The following CDKL5 variants were observed in gnomAD, a reference collection of about 807,000 sequenced individuals.
CDKL5 encodes cyclin-dependent kinase-like 5.
In CDKL5, 8 loss-of-function variants were observed where a neutral mutation model predicts 61.7. The ratio of observed to expected loss-of-function variants is 0.13; its 90% CI spans 0.08 to 0.23. The LOEUF (loss-of-function observed/expected upper bound fraction) is 0.23, where lower values mean the gene tolerates loss of function less well. CDKL5 is among the 10% of genes least tolerant of loss of function. CDKL5 has a pLI of 1.00. For missense variants in CDKL5, 440 were observed against 734.5 expected, an observed-to-expected ratio of 0.60 and a Z score of 4.63; for synonymous variants, 275 against 272.3, an observed-to-expected ratio of 1.01 and a Z score of -0.10.
At chrX:18,620,088 A>C in intron 16 of CDKL5, 122 bp downstream of exon 16, 1 of 480,793 alleles carries the variant, frequency 2.1e-6, no homozygotes. Context: ...ACATTTTTGC[A>C]CTGTATTATG....
chrX:18,591,460 T>C (rs1925827762), intron 9 of CDKL5, among the ~76,000 whole-genome samples: 1 of 111,139 alleles, frequency 9.0e-6, no homozygotes, highest in Non-Finnish European at 1.9e-5. Flanking sequence ...CCTTTTACCT[T>C]TACCTAACCT....
intron 7 of CDKL5, among the ~76,000 whole-genome samples, chrX:18,582,511 C>A (rs1488582758): frequency 2.7e-5 from 3 of 111,163 alleles, no homozygotes; most frequent in African/African-American, 9.8e-5. Context: ...CTGTATTAAG[C>A]TCTATTAAAC....
chrX:18,653,461 A>G, exon 22 of CDKL5: 1 of 1,211,350 alleles, frequency 8.3e-7, no homozygotes, highest in Non-Finnish European at 1.1e-6. Flanking sequence ...ACACGTTATG[A>G]GGGAAGCCCT....
At chrX:18,458,441 T>G (rs1474939802) in intron 1 of CDKL5, among the ~76,000 whole-genome samples, 2 of 111,900 alleles carry the variant, frequency 1.8e-5, no homozygotes, top group African/African-American at 3.2e-5. Context: ...AATTAGACAT[T>G]AAATTTATTA....
chrX:18,512,167 A>G (rs1269844092), intron 3 of CDKL5, among the ~76,000 whole-genome samples: 2 of 112,083 alleles, frequency 1.8e-5, no homozygotes, highest in Admixed American at 9.5e-5. Flanking sequence ...TGTAACAAAC[A>G]TTAGTTTAAA....
rs185141080 is a variant in CDKL5 at position 18,631,569 on chromosome X, G to A, written c.*2812G>A. On this transcript the variant is annotated 3_prime_UTR_variant, in exon 18 of 18. Transcript: ENST00000623535. ...ACTTGATTTAAAGTCAGAAAAATTT[G>A]CCTTTTCTTTAGGAAGGGGAATTCA... 5 of 752,629 alleles carry A rather than the reference G, an allele frequency of 6.6e-6. No individual in the cohort carries two copies. The East Asian group carries it at 6.1e-4, about 91-fold the overall frequency. 62.0% of individuals were successfully genotyped at this position (752,629 alleles called of 1,213,427 possible). A position where few individuals can be genotyped will look rare whatever the true frequency, so the allele number is the denominator to read the frequency against.
At chrX:18,552,563 G>C in intron 3 of CDKL5, among the ~76,000 whole-genome samples, 1 of 112,189 alleles carries the variant, frequency 8.9e-6, no homozygotes, top group South Asian at 3.7e-4. Flanking sequence ...TCTAGTAGTA[G>C]AGTCAGACCT....
At position 18,628,259 on chromosome X, in the gene CDKL5, T is replaced by G. The variant is rs1927129027; in HGVS notation, c.2497-112T>G. The G allele has an allele frequency of 1.3e-5, 10 of 750,814 alleles. No individual in the cohort carries two copies. In the South Asian group the frequency reaches 1.5e-4, roughly 11 times the overall value. 61.9% of individuals were successfully genotyped at this position (750,814 alleles called of 1,213,427 possible). On this transcript the variant is annotated intron_variant, in intron 17 of 17. Coordinates refer to ENST00000623535, the MANE Select transcript of CDKL5 (RefSeq NM_001323289.2). Reference sequence around the variant, plus strand: ...GGCTGGACCGGCTCCTCCTTGCACATGCTTGCCCTTCCTGGCCACACCCAG... The same window carrying G: ...GGCTGGACCGGCTCCTCCTTGCACAGGCTTGCCCTTCCTGGCCACACCCAG...
chrX:18,553,459 TGTGTGC>T (rs1253710834), intron 3 of CDKL5, among the ~76,000 whole-genome samples: 5 of 100,394 alleles, frequency 5.0e-5, no homozygotes, highest in African/African-American at 2.0e-4. Flanking sequence ...CAGTTGTGTG[TGTGTGC>T]GTGTGTGTGT....
intron 3 of CDKL5, among the ~76,000 whole-genome samples, chrX:18,530,407 C>T (rs909190047): frequency 2.7e-5 from 3 of 110,096 alleles, no homozygotes; most frequent in African/African-American, 6.6e-5. Flanking sequence ...TTTCTACTGA[C>T]ATATCTTACA....
intron 6 of CDKL5, among the ~76,000 whole-genome samples, chrX:18,580,822 A>T (rs999345711): frequency 5.3e-5 from 6 of 112,350 alleles, no homozygotes; most frequent in African/African-American, 1.9e-4. Context: ...ATATCACTTT[A>T]AAAATATTCT....
chrX:18,507,675 G>A (rs998911716), intron 2 of CDKL5, among the ~76,000 whole-genome samples: 10 of 110,617 alleles, frequency 9.0e-5, no homozygotes, highest in Admixed American at 4.9e-4. Context: ...GGGTTCAAGC[G>A]ATTCTCCTGC....
At position 18,625,344 on chromosome X, in the gene CDKL5, G is replaced by A. The variant is rs748033253; in HGVS notation, c.2496+97G>A. 3 of 938,736 alleles carry A rather than the reference G, an allele frequency of 3.2e-6. No individual in the cohort carries two copies. The Admixed American group carries it at 6.7e-5, about 21-fold the overall frequency. The allele number at this position is 938,736 out of a possible 1,213,427, so 77.4% of individuals were successfully genotyped here. On this transcript the variant is annotated intron_variant, in intron 17 of 17. Coordinates refer to ENST00000623535, the MANE Select transcript of CDKL5 (RefSeq NM_001323289.2). The stretch of plus-strand genomic sequence containing the variant: ...GCTAGAGAAAACTTAGCCTCTCAAT[G>A]TTACAGTAAGGCTGAGCACCTCCTC...
At position 18,633,984 on chromosome X, in the gene CDKL5, T is replaced by G; in HGVS notation, c.*5227T>G. 1 of 754,106 alleles carries G rather than the reference T, an allele frequency of 1.3e-6. No homozygotes were observed. Among genetic ancestry groups the G allele is most frequent in the East Asian group, 1.5e-4 (1 of 6,673 alleles). The allele number at this position is 754,106 out of a possible 1,213,427, so 62.1% of individuals were successfully genotyped here. A position where few individuals can be genotyped will look rare whatever the true frequency, so the allele number is the denominator to read the frequency against. On this transcript the variant is annotated 3_prime_UTR_variant, in exon 18 of 18. Transcript: ENST00000623535. ...TTTTGCCAGAAAAAAATTGTAATAG[T>G]CGGCACGCTGGATTTGTAGGGCCAG...
Position 18,595,831 on chromosome X carries a change from C to G in CDKL5, c.825+403C>G, listed in dbSNP as rs895322816. Among the ~76,000 whole-genome samples the G allele has an allele frequency of 3.6e-5, 4 of 111,723 alleles. No individual in the cohort carries two copies. In the Admixed American group the frequency reaches 3.8e-4, roughly 11 times the overall value. On this transcript the variant is annotated intron_variant, in intron 10 of 17. Coordinates refer to ENST00000623535, the MANE Select transcript of CDKL5 (RefSeq NM_001323289.2). ...GATTTGATCAGTGAATCTAATTTTT[C>G]TCTTTTTCTAACTTGGTCTCTTCTC...
At chrX:18,427,645 C>A (rs181433730) in intron 1 of CDKL5, among the ~76,000 whole-genome samples, 158 of 111,297 alleles carry the variant, frequency 1.4e-3, no homozygotes, top group African/African-American at 4.9e-3. Context: ...ATATATCAAA[C>A]AGTTGAGTAT....
At chrX:18,541,556 G>A (rs567919372) in intron 3 of CDKL5, among the ~76,000 whole-genome samples, 7 of 111,151 alleles carry the variant, frequency 6.3e-5, no homozygotes, top group Non-Finnish European at 1.1e-4. Context: ...TTTGAGACAG[G>A]GTGTCACTCT....
rs1416781358 is a variant in CDKL5, at chrX:18,629,884, G to A, written c.*1127G>A. The A allele has an allele frequency of 9.3e-6, 7 of 752,861 alleles. No homozygotes were observed. The highest frequency in any genetic ancestry group is 1.1e-5 in the Non-Finnish European group (7 of 638,737). 62.0% of individuals were successfully genotyped at this position (752,861 alleles called of 1,213,427 possible). A position where few individuals can be genotyped will look rare whatever the true frequency, so the allele number is the denominator to read the frequency against. ...CTCTTCCACTTAGCATTAGTGTAGAGCGTAGACCAAAGATTTGCCAGTGAA... is the reference window on the plus strand; with the variant it reads ...CTCTTCCACTTAGCATTAGTGTAGAACGTAGACCAAAGATTTGCCAGTGAA... On this transcript the variant is annotated 3_prime_UTR_variant, in exon 18 of 18. Transcript: ENST00000623535.
chrX:18,430,327 C>T (rs1931454821), intron 1 of CDKL5, among the ~76,000 whole-genome samples: 1 of 112,267 alleles, frequency 8.9e-6, no homozygotes, highest in Non-Finnish European at 1.9e-5. Flanking sequence ...AATTTTGTGG[C>T]TTAGATATAC....
Sources: gnomAD v4.1 joint callset for allele counts (sites outside exome capture counted in the v4.1 genomes callset) on GRCh38, gnomAD v4.1.1 for gene constraint, MANE v1.5 for transcripts, NCBI Gene and HGNC (gene_info 2026-07-23, HGNC 2026-07-21) for gene names.